Variants in HACD2 observed in about 807,000 individuals in gnomAD.
The protein encoded by HACD2 is very-long-chain (3R)-3-hydroxyacyl-CoA dehydratase 2.
A neutral mutation model predicts 31.0 loss-of-function variants in HACD2; 15 were observed. The ratio of observed to expected loss-of-function variants is 0.48; its 90% CI spans 0.32 to 0.75. The LOEUF (loss-of-function observed/expected upper bound fraction) is 0.75, where lower values mean the gene tolerates loss of function less well. Among genes scored for constraint, HACD2 ranks in the 30% least tolerant of loss-of-function variants. The pLI, the probability that HACD2 is intolerant of heterozygous loss-of-function variation, is 0.03. For missense variants in HACD2, 283 were observed against 313.0 expected (o/e 0.90, Z 0.72); for synonymous variants, 115 against 122.2 (o/e 0.94, Z 0.39).
intron 3 of HACD2, among the ~76,000 whole-genome samples, chr3:123,563,644 T>TACACACACACAC (rs58761061): frequency 1.8e-4 from 20 of 112,070 alleles, no homozygotes; most frequent in Admixed American, 1.2e-3. Context: ...AAAATATATA[T>TACACACACACAC]ACACACACAC....
rs766171461 is a variant in HACD2, at chr3:123,502,637, C to T, written c.426G>A (p.Thr142=). ...DSVLLFVIAW[T]ITEIIRYSFY... is the part of the protein sequence containing the mutation. ...AGGAGTAACGGATGATTTCCGTGAT[C>T]GTCCATGCAATAACAAACAGGAGGA... is the stretch of plus-strand genomic sequence containing the variant. The change falls in exon 5 of 7, where the codon ACG becomes ACA. Residue 142 remains threonine (T), a synonymous_variant. Transcript: ENST00000383657. 8.1e-6 allele frequency: 13 copies of T among 1,606,462 alleles called. No individual in the cohort carries two copies. Among genetic ancestry groups the T allele is most frequent in the Middle Eastern group, 1.6e-4 (1 of 6,062 alleles).
At chr3:123,573,991 T>C (rs955150359) in intron 2 of HACD2, among the ~76,000 whole-genome samples, 1 of 152,212 alleles carries the variant, frequency 6.6e-6, no homozygotes, top group Non-Finnish European at 1.5e-5. Context: ...GTGTATTCAC[T>C]GCACATAATG....
chr3:123,497,756 G>C (rs1156490166), intron 6 of HACD2, among the ~76,000 whole-genome samples: 3 of 152,088 alleles, frequency 2.0e-5, no homozygotes, highest in Non-Finnish European at 4.4e-5. Flanking sequence ...CCTGGCCAGG[G>C]CACCCCAATA....
At position 123,493,286 on chromosome 3, in the gene HACD2, G is replaced by A. The variant is rs897328125; in HGVS notation, c.*1602C>T. On this transcript the variant is annotated 3_prime_UTR_variant, in exon 7 of 7. Transcript: ENST00000383657. ...CAGGAGGATGGCGTGAACCCGGGAGGTGGAGCTTGCAGTGAGCTGAGATCG... is the reference window on the plus strand; with the variant it reads ...CAGGAGGATGGCGTGAACCCGGGAGATGGAGCTTGCAGTGAGCTGAGATCG... The A allele has an allele frequency of 3.3e-5, 5 of 152,230 alleles. No homozygotes were observed. The highest frequency in any genetic ancestry group is 7.3e-5 in the Non-Finnish European group (5 of 68,046). 9.4% of individuals were successfully genotyped at this position (152,230 alleles called of 1,614,324 possible).
chr3:123,502,412 C>G, intron 5 of HACD2, 148 bp downstream of exon 5: 1 of 708,406 alleles, frequency 1.4e-6, no homozygotes, highest in African/African-American at 1.8e-5. Flanking sequence ...AGTACAGACT[C>G]CTATTCTGAT....
At chr3:123,584,811 C>A in intron 1 of HACD2, 62 bp downstream of exon 1, 1 of 1,327,178 alleles carries the variant, frequency 7.5e-7, no homozygotes, top group Non-Finnish European at 9.9e-7. Context: ...CGCCCCGCCG[C>A]TGGCCGCAGG....
Position 123,500,615 on chromosome 3 carries a change from G to A in HACD2, c.582C>T (p.Val194=). Residue 194 remains valine, a synonymous_variant, in exon 6 of 7, where the codon GTC becomes GTT. Coordinates refer to ENST00000383657, the MANE Select transcript of HACD2 (RefSeq NM_198402.5). ...LLTIYAALPF[V]RQAGLYSISL... ...TGATGGAATATAGGCCAGCTTGTCT[G>A]ACAAAGGGCAGAGCTGCATATATTG... is the stretch of plus-strand genomic sequence containing the variant. 1 of 1,613,164 alleles carries A rather than the reference G, an allele frequency of 6.2e-7. No individual in the cohort carries two copies. Among genetic ancestry groups the A allele is most frequent in the Non-Finnish European group, 8.5e-7 (1 of 1,179,156 alleles).
At chr3:123,577,028 C>A (rs2056914679) in intron 2 of HACD2, among the ~76,000 whole-genome samples, 1 of 152,108 alleles carries the variant, frequency 6.6e-6, no homozygotes, top group Non-Finnish European at 1.5e-5. Flanking sequence ...CTTCTCCAGA[C>A]CTTGCCCTAG....
Position 123,558,119 on chromosome 3 carries a change from T to C in HACD2, c.292+9643A>G, listed in dbSNP as rs145246009. On this transcript the variant is annotated intron_variant, in intron 3 of 6. Transcript: ENST00000383657. Reference sequence around the variant, plus strand: ...TAAAATGAAATGGGCTATCAAGCCATGAAAAGACATGGAGAAAACTTAAAC... The same window carrying C: ...TAAAATGAAATGGGCTATCAAGCCACGAAAAGACATGGAGAAAACTTAAAC... Among the ~76,000 whole-genome samples, 304 of 152,276 alleles carry C rather than the reference T, an allele frequency of 2.0e-3. 6 individuals carry two copies. Among genetic ancestry groups the C allele is most frequent in the East Asian group, 0.01 (53 of 5,182 alleles).
intron 3 of HACD2, among the ~76,000 whole-genome samples, chr3:123,535,689 T>C (rs2056417071): frequency 6.6e-6 from 1 of 152,180 alleles, no homozygotes; most frequent in South Asian, 2.1e-4. Flanking sequence ...GGGAAGTGAC[T>C]AACTAGCAGC....
At chr3:123,516,640 G>A (rs979041459) in intron 4 of HACD2, among the ~76,000 whole-genome samples, 1 of 152,168 alleles carries the variant, frequency 6.6e-6, no homozygotes, top group Non-Finnish European at 1.5e-5. Flanking sequence ...TAATGGACTA[G>A]TTAAATGTTC....
intron 4 of HACD2, among the ~76,000 whole-genome samples, chr3:123,505,649 C>T (rs1042543365): frequency 6.6e-6 from 1 of 152,132 alleles, no homozygotes; most frequent in African/African-American, 2.4e-5. Flanking sequence ...AGGATTCAGC[C>T]ACATTAACAG....
At chr3:123,554,356 C>T (rs963366178) in intron 3 of HACD2, among the ~76,000 whole-genome samples, 2 of 151,900 alleles carry the variant, frequency 1.3e-5, no homozygotes, top group African/African-American at 4.8e-5. Flanking sequence ...ATATCAGTAG[C>T]TGGACATGGT....
intron 3 of HACD2, among the ~76,000 whole-genome samples, chr3:123,559,946 T>C (rs2056710474): frequency 6.6e-6 from 1 of 152,196 alleles, no homozygotes; most frequent in Admixed American, 6.5e-5. Flanking sequence ...CTGCTCAGGC[T>C]CTTTAGGCTA....
At chr3:123,530,639 C>A (rs927180610) in intron 3 of HACD2, among the ~76,000 whole-genome samples, 17 of 152,058 alleles carry the variant, frequency 1.1e-4, no homozygotes, top group Non-Finnish European at 2.2e-4. Flanking sequence ...GATCTCCTGA[C>A]CTTGTGATCC....
At chr3:123,557,675 C>A (rs2056686971) in intron 3 of HACD2, among the ~76,000 whole-genome samples, 1 of 152,084 alleles carries the variant, frequency 6.6e-6, no homozygotes, top group Non-Finnish European at 1.5e-5. Flanking sequence ...TCAAAGAGGA[C>A]CTACAGATGC....
chr3:123,584,015 A>G (rs912336177), intron 1 of HACD2, among the ~76,000 whole-genome samples: 1 of 152,248 alleles, frequency 6.6e-6, no homozygotes, highest in Non-Finnish European at 1.5e-5. Context: ...TTAAAAATAT[A>G]TAACTGTCTG....
chr3:123,525,219 T>C (rs910384744), intron 4 of HACD2, among the ~76,000 whole-genome samples: 2 of 152,136 alleles, frequency 1.3e-5, no homozygotes, highest in African/African-American at 4.8e-5. Flanking sequence ...ATATGGTCTC[T>C]TGGAAAGGAA....
intron 2 of HACD2, among the ~76,000 whole-genome samples, chr3:123,568,781 T>G (rs2056821895): frequency 6.6e-6 from 1 of 152,214 alleles, no homozygotes; most frequent in Non-Finnish European, 1.5e-5. Flanking sequence ...TTCAGAATTT[T>G]TACATTTCTC....
Sources: gnomAD v4.1 joint callset for allele counts (sites outside exome capture counted in the v4.1 genomes callset) on GRCh38, gnomAD v4.1.1 for gene constraint, MANE v1.5 for transcripts, NCBI Gene and HGNC (gene_info 2026-07-23, HGNC 2026-07-21) for gene names.